Variants in METTL8 observed in about 807,000 individuals in gnomAD.
The protein encoded by METTL8 is tRNA N(3)-cytidine methyltransferase METTL8, mitochondrial.
A neutral mutation model predicts 48.7 loss-of-function variants in METTL8; 32 were observed. The ratio of observed to expected loss-of-function variants is 0.66; its 90% CI spans 0.50 to 0.88. The LOEUF (loss-of-function observed/expected upper bound fraction) is 0.88, where lower values mean the gene tolerates loss of function less well. Among genes scored for constraint, METTL8 ranks in the 40% least tolerant of loss-of-function variants. The pLI, the probability that METTL8 is intolerant of heterozygous loss-of-function variation, is 0.00. For missense variants in METTL8, 464 were observed against 474.4 expected, an observed-to-expected ratio of 0.98 and a Z score of 0.20; for synonymous variants, 136 against 157.1, an observed-to-expected ratio of 0.87 and a Z score of 1.01.
chr2:171,392,269 TG>T (rs1236109448), intron 1 of METTL8, 72 bp from the exon 2 acceptor site: 4 of 1,300,316 alleles, frequency 3.1e-6, no homozygotes, highest in Non-Finnish European at 4.2e-6. Flanking sequence ...ACCCAAAACC[TG>T]GTTCTAAAGG....
intron 2 of METTL8, among the ~76,000 whole-genome samples, chr2:171,371,691 C>T (rs1208736362): frequency 6.6e-6 from 1 of 151,494 alleles, no homozygotes; most frequent in African/African-American, 2.4e-5. Context: ...ACCTTTTTAG[C>T]CTCTGGAAAA....
intron 2 of METTL8, among the ~76,000 whole-genome samples, chr2:171,379,925 C>G (rs1266621378): frequency 1.3e-5 from 2 of 152,190 alleles, no homozygotes; most frequent in Non-Finnish European, 2.9e-5. Flanking sequence ...GATACCAAAA[C>G]TTGGCAGAAA....
chr2:171,396,780 G>C (rs914517753), intron 1 of METTL8, among the ~76,000 whole-genome samples: 4 of 151,618 alleles, frequency 2.6e-5, no homozygotes, highest in African/African-American at 9.7e-5. Flanking sequence ...AGTGTATAGA[G>C]AGAAATTTAT....
intron 5 of METTL8, among the ~76,000 whole-genome samples, chr2:171,335,336 ATGT>A (rs1259253151): frequency 2.0e-5 from 3 of 152,204 alleles, no homozygotes; most frequent in African/African-American, 7.2e-5. Flanking sequence ...AAGTATCATG[ATGT>A]TGGCATTATA....
At chr2:171,377,342 TA>T in intron 2 of METTL8, among the ~76,000 whole-genome samples, 1 of 151,656 alleles carries the variant, frequency 6.6e-6, no homozygotes, top group African/African-American at 2.4e-5. Context: ...CAAAAATAAA[TA>T]TAACAACAAA....
chr2:171,325,536 T>C (rs1684858568), intron 9 of METTL8, among the ~76,000 whole-genome samples: 1 of 152,248 alleles, frequency 6.6e-6, no homozygotes, highest in South Asian at 2.1e-4. Flanking sequence ...CCTTTGGCTG[T>C]GGCTATCATC....
chr2:171,403,608 T>C (rs1689852646), intron 1 of METTL8, among the ~76,000 whole-genome samples: 1 of 152,154 alleles, frequency 6.6e-6, no homozygotes, highest in Admixed American at 6.6e-5. Context: ...TGTATCAATA[T>C]TGGTTCATTA....
In METTL8 at chr2:171,354,400, T is replaced by C. The variant is rs566293834; in HGVS notation, c.235+6022A>G. ...TCTGGCTGCCCTTAACATTTTTTCT[T>C]TCATTTCAACCTTGGTGAATCTGAC... On this transcript the variant is annotated intron_variant, in intron 3 of 9. Transcript: ENST00000375258. Among the ~76,000 whole-genome samples the C allele has an allele frequency of 1.6e-4, 25 of 152,336 alleles. No homozygotes were observed. In the East Asian group the frequency reaches 3.5e-3, roughly 21 times the overall value.
intron 1 of METTL8, among the ~76,000 whole-genome samples, chr2:171,427,707 C>T (rs544251218): frequency 5.9e-5 from 9 of 152,312 alleles, no homozygotes; most frequent in Admixed American, 3.3e-4. Flanking sequence ...GGTGTTCAAC[C>T]ACCCTCCAGC....
chr2:171,373,860 C>G (rs1361174565), intron 2 of METTL8, among the ~76,000 whole-genome samples: 1 of 152,126 alleles, frequency 6.6e-6, no homozygotes, highest in Non-Finnish European at 1.5e-5. Flanking sequence ...GGTACCAGTA[C>G]CATGCTGTTT....
In METTL8 at chr2:171,431,802, T is replaced by C. The variant is rs546553107; in HGVS notation, c.-13+2081A>G. ...GATAGGGCTGTTAACATGCCCCTGT[T>C]CGTCAGGCTGCAGAGGGCAGATCTA... On this transcript the variant is annotated intron_variant, in intron 1 of 9. Coordinates refer to ENST00000375258, the MANE Select transcript of METTL8 (RefSeq NM_001321154.2). 2.3e-3 allele frequency among the ~76,000 whole-genome samples: 357 copies of C among 152,248 alleles called. 2 individuals are homozygous for C. The highest frequency in any genetic ancestry group is 4.1e-3 in the Non-Finnish European group (281 of 68,002).
At chr2:171,326,629 C>A (rs1290589576) in intron 7 of METTL8, among the ~76,000 whole-genome samples, 2 of 152,210 alleles carry the variant, frequency 1.3e-5, no homozygotes, top group Non-Finnish European at 2.9e-5. Context: ...GAGGTACCAC[C>A]ATTTACCTCA....
intron 1 of METTL8, among the ~76,000 whole-genome samples, chr2:171,419,720 T>C (rs985929852): frequency 6.6e-6 from 1 of 152,132 alleles, no homozygotes; most frequent in Admixed American, 6.5e-5. Context: ...CACTCTGCAT[T>C]CCATCCTGGA....
rs1460174942 is a variant in METTL8 at position 171,318,978 on chromosome 2, T to G, written c.*5194A>C. 6.6e-6 allele frequency: 1 copy of G among 152,068 alleles called. No homozygotes were observed. Among genetic ancestry groups the G allele is most frequent in the Admixed American group, 6.6e-5 (1 of 15,254 alleles). The allele number at this position is 152,068 out of a possible 1,614,324, so 9.4% of individuals were successfully genotyped here. ...TCATCAAAATGAATTCCTAGGAGTT[T>G]GAGGATTAAATAATGTGTATAGTAT... is the stretch of plus-strand genomic sequence containing the variant. On this transcript the variant is annotated 3_prime_UTR_variant, in exon 10 of 10. Coordinates refer to ENST00000375258, the MANE Select transcript of METTL8 (RefSeq NM_001321154.2).
At position 171,321,022 on chromosome 2, in the gene METTL8, C is replaced by A. The variant is rs1559032069; in HGVS notation, c.*3150G>T. The A allele has an allele frequency of 6.6e-6, 1 of 152,212 alleles. No homozygotes were observed. Among genetic ancestry groups the A allele is most frequent in the Admixed American group, 6.5e-5 (1 of 15,282 alleles). The allele number at this position is 152,212 out of a possible 1,614,324, so 9.4% of individuals were successfully genotyped here. A position where few individuals can be genotyped will look rare whatever the true frequency, so the allele number is the denominator to read the frequency against. ...TATCCCTCATCATTAATGTCCCACA[C>A]CACACTTGTCTTCTCACCATCTGCT... On this transcript the variant is annotated 3_prime_UTR_variant, in exon 10 of 10. Coordinates refer to ENST00000375258, the MANE Select transcript of METTL8 (RefSeq NM_001321154.2).
At chr2:171,408,229 GATTT>G (rs936087722) in intron 1 of METTL8, among the ~76,000 whole-genome samples, 17 of 151,544 alleles carry the variant, frequency 1.1e-4, no homozygotes, top group Non-Finnish European at 1.8e-4. Context: ...TTTAAACAGA[GATTT>G]ATTTCTCAGC....
intron 2 of METTL8, among the ~76,000 whole-genome samples, chr2:171,383,250 T>C (rs571008932): frequency 1.1e-4 from 17 of 152,326 alleles, no homozygotes; most frequent in African/African-American, 3.4e-4. Flanking sequence ...TGAGATTCTG[T>C]AAACTGTCTA....
At chr2:171,416,939 T>C (rs1691372654) in intron 1 of METTL8, among the ~76,000 whole-genome samples, 2 of 152,242 alleles carry the variant, frequency 1.3e-5, no homozygotes, top group East Asian at 3.8e-4. Flanking sequence ...CGGAAATACA[T>C]GTTTCCATAA....
chr2:171,330,109 C>A (rs1445252725), intron 7 of METTL8, among the ~76,000 whole-genome samples: 1 of 152,190 alleles, frequency 6.6e-6, no homozygotes, highest in Non-Finnish European at 1.5e-5. Flanking sequence ...TAGTGTGCTT[C>A]TTTAGAACAA....
Sources: gnomAD v4.1 joint callset for allele counts (sites outside exome capture counted in the v4.1 genomes callset) on GRCh38, gnomAD v4.1.1 for gene constraint, MANE v1.5 for transcripts, NCBI Gene and HGNC (gene_info 2026-07-23, HGNC 2026-07-21) for gene names.